Variants in CDK14 observed in about 807,000 individuals in gnomAD.
The protein encoded by CDK14 is cyclin-dependent kinase 14.
CDK14 carries 34 observed loss-of-function variants against 60.7 expected under a neutral mutation model. The observed-to-expected ratio is 0.56, with a 90% CI of 0.43 to 0.75. CDK14 has a LOEUF of 0.75. Among genes scored for constraint, CDK14 ranks in the 30% least tolerant of loss-of-function variants. The pLI is 0.00. For synonymous variants in CDK14, 197 were observed against 203.7 expected, an observed-to-expected ratio of 0.97 and a Z score of 0.28; for missense variants, 482 against 564.1, an observed-to-expected ratio of 0.85 and a Z score of 1.47.
chr7:90,680,906 G>C (rs1336821144), intron 2 of CDK14, among the ~76,000 whole-genome samples: 5 of 152,180 alleles, frequency 3.3e-5, no homozygotes, highest in African/African-American at 1.2e-4. Flanking sequence ...TTGGCCATAC[G>C]TGGATGTACT....
chr7:91,192,073 G>A (rs1040919837), intron 14 of CDK14, among the ~76,000 whole-genome samples: 11 of 152,126 alleles, frequency 7.2e-5, no homozygotes, highest in Non-Finnish European at 1.0e-4. Flanking sequence ...CTCACAGAGC[G>A]ATACCACATA....
chr7:90,659,837 T>TTCTCGCTCTC (rs1800826360), intron 2 of CDK14, among the ~76,000 whole-genome samples: 1 of 110,466 alleles, frequency 9.1e-6, no homozygotes, highest in Admixed American at 1.1e-4. Context: ...CAGGGAATGC[T>TTCTCGCTCTC]TCTCTCTCTC....
At chr7:90,942,099 C>A (rs533297961) in intron 8 of CDK14, among the ~76,000 whole-genome samples, 1 of 152,118 alleles carries the variant, frequency 6.6e-6, no homozygotes, top group Non-Finnish European at 1.5e-5. Context: ...GTGCTCTGCT[C>A]GGAGCTTAGA....
At chr7:91,001,671 A>C (rs1425394264) in intron 10 of CDK14, among the ~76,000 whole-genome samples, 1 of 152,120 alleles carries the variant, frequency 6.6e-6, no homozygotes. Flanking sequence ...TCCCACTCAA[A>C]CCCAAGAGGG....
intron 13 of CDK14, among the ~76,000 whole-genome samples, chr7:91,114,309 G>A (rs1174726705): frequency 6.6e-6 from 1 of 152,088 alleles, no homozygotes; most frequent in Non-Finnish European, 1.5e-5. Context: ...ATCAGCCAGT[G>A]GTTAAATCCA....
intron 14 of CDK14, among the ~76,000 whole-genome samples, chr7:91,129,221 A>G (rs1800046663): frequency 6.6e-6 from 1 of 152,162 alleles, no homozygotes; most frequent in African/African-American, 2.4e-5. Flanking sequence ...CATTTGCACT[A>G]GTGGTGCAAA....
At chr7:91,026,787 A>G (rs1471992480) in intron 10 of CDK14, among the ~76,000 whole-genome samples, 1 of 152,202 alleles carries the variant, frequency 6.6e-6, no homozygotes, top group Non-Finnish European at 1.5e-5. Flanking sequence ...TTTCATAGTC[A>G]TATATGGTGA....
At chr7:91,179,636 A>C (rs1042615477) in intron 14 of CDK14, among the ~76,000 whole-genome samples, 3 of 152,062 alleles carry the variant, frequency 2.0e-5, no homozygotes, top group Non-Finnish European at 4.4e-5. Flanking sequence ...CCCCGTCTCT[A>C]CTAAAAATAC....
At chr7:90,725,964 C>A (rs1259441018) in intron 2 of CDK14, among the ~76,000 whole-genome samples, 1 of 151,982 alleles carries the variant, frequency 6.6e-6, no homozygotes, top group Non-Finnish European at 1.5e-5. Context: ...TCTTTTTATC[C>A]ATTAGCTTTG....
intron 6 of CDK14, among the ~76,000 whole-genome samples, chr7:90,891,684 ATT>A (rs984896227): frequency 1.3e-5 from 2 of 152,196 alleles, no homozygotes; most frequent in African/African-American, 4.8e-5. Context: ...TGGCTTCCTT[ATT>A]TTTAGCCTAG....
chr7:90,990,857 A>G (rs979382707), intron 10 of CDK14, among the ~76,000 whole-genome samples: 2 of 152,136 alleles, frequency 1.3e-5, no homozygotes, highest in African/African-American at 2.4e-5. Context: ...ATCATTGCAT[A>G]TTTTTACCAC....
At chr7:90,783,820 C>CT (rs1357202568) in intron 4 of CDK14, among the ~76,000 whole-genome samples, 1 of 152,066 alleles carries the variant, frequency 6.6e-6, no homozygotes, top group Admixed American at 6.6e-5. Context: ...CACTTGTATG[C>CT]TGTTGGTGGG....
At chr7:90,649,358 TTCCTTCCTTTCCTTCCTTCCTTCC>T (rs1563030018) in intron 2 of CDK14, among the ~76,000 whole-genome samples, 2 of 40,792 alleles carry the variant, frequency 4.9e-5, no homozygotes, top group Non-Finnish European at 8.0e-5. Context: ...CCTTCCTTCC[TTCCTTCCTTTCCTTCCTTCCTTCC>T]TTCCTTCCTT....
intron 5 of CDK14, among the ~76,000 whole-genome samples, chr7:90,828,656 G>A (rs1436345760): frequency 2.0e-5 from 3 of 152,060 alleles, no homozygotes; most frequent in African/African-American, 7.2e-5. Flanking sequence ...ATGTCTGACT[G>A]AGTTTCCTGT....
At chr7:90,688,866 A>T (rs1327998022) in intron 2 of CDK14, among the ~76,000 whole-genome samples, 1 of 152,126 alleles carries the variant, frequency 6.6e-6, no homozygotes, top group Non-Finnish European at 1.5e-5. Context: ...CAAAAGCCAT[A>T]ATGAATTTTC....
intron 2 of CDK14, among the ~76,000 whole-genome samples, chr7:90,682,250 T>C (rs1563042975): frequency 1.3e-5 from 2 of 152,162 alleles, no homozygotes; most frequent in Admixed American, 6.5e-5. Context: ...GGAAAATGTA[T>C]AAATATCTAA....
At chr7:91,055,557 C>T (rs2116076056) in intron 11 of CDK14, among the ~76,000 whole-genome samples, 1 of 152,246 alleles carries the variant, frequency 6.6e-6, no homozygotes, top group South Asian at 2.1e-4. Context: ...CCCAAATAAA[C>T]TGGTTTTATT....
At chr7:90,678,251 G>A (rs139645179) in intron 2 of CDK14, among the ~76,000 whole-genome samples, 2,334 of 152,292 alleles carry the variant, frequency 0.015, 21 homozygotes, top group Middle Eastern at 0.027. Context: ...ACTAAGCAGA[G>A]GGAACAGCAG....
chr7:90,730,168 G>A (rs113578800), intron 3 of CDK14, among the ~76,000 whole-genome samples: 23,582 of 152,012 alleles, frequency 0.16, 1,946 homozygotes, highest in Middle Eastern at 0.25. Context: ...ATCCATGTCC[G>A]CGCAGAGGAC....
Sources: gnomAD v4.1 joint callset for allele counts (sites outside exome capture counted in the v4.1 genomes callset) on GRCh38, gnomAD v4.1.1 for gene constraint, MANE v1.5 for transcripts, NCBI Gene and HGNC (gene_info 2026-07-23, HGNC 2026-07-21) for gene names.